Variants in NAV2 observed in about 807,000 individuals in gnomAD.
NAV2 encodes the protein neuron navigator 2.
Under a neutral mutation model 223.2 loss-of-function variants are expected in NAV2, and 54 were observed. The observed-to-expected ratio is 0.24, with a 90% confidence interval of 0.19 to 0.30. The LOEUF is 0.30. NAV2 is among the 10% of genes least tolerant of loss of function. The pLI is 1.00. For synonymous variants in NAV2, 1,279 were observed against 1,239.3 expected (o/e 1.03, Z -0.67); for missense variants, 2,806 against 3,147.5 (o/e 0.89, Z 2.60).
At chr11:19,750,735 A>G (rs2152497580) in intron 1 of NAV2, among the ~76,000 whole-genome samples, 1 of 152,368 alleles carries the variant, frequency 6.6e-6, no homozygotes, top group African/African-American at 2.4e-5. Context: ...AGGCAGAGAC[A>G]GAGTCAGAAT....
chr11:19,701,367 C>T lies in NAV2; in HGVS notation c.76-131117C>T, dbSNP rs2049507744. ...TCAGCAGGAAATCAGCTTTGTCGGCCAGCCGCCTTTGAAAACTGGATTCTG... is the reference window on the plus strand; with the variant it reads ...TCAGCAGGAAATCAGCTTTGTCGGCTAGCCGCCTTTGAAAACTGGATTCTG... On this transcript the variant is annotated intron_variant, in intron 1 of 37. Transcript: ENST00000360655. Among the ~76,000 whole-genome samples the T allele has an allele frequency of 2.6e-5, 4 of 152,288 alleles. No homozygotes were observed. In the South Asian group the frequency reaches 6.2e-4, roughly 24 times the overall value.
At chr11:20,015,381 C>T (rs1230946233) in intron 11 of NAV2, among the ~76,000 whole-genome samples, 2 of 152,094 alleles carry the variant, frequency 1.3e-5, no homozygotes, top group Non-Finnish European at 2.9e-5. Flanking sequence ...ATTTAGAAAG[C>T]TACATCTAGG....
intron 1 of NAV2, among the ~76,000 whole-genome samples, chr11:19,796,136 T>C (rs2057874750): frequency 6.6e-6 from 1 of 152,202 alleles, no homozygotes; most frequent in African/African-American, 2.4e-5. Context: ...CTAGGAACCA[T>C]TCTTGGTACC....
intron 19 of NAV2, among the ~76,000 whole-genome samples, chr11:20,058,378 A>G (rs115545703): frequency 0.017 from 2,664 of 152,348 alleles, 78 homozygotes; most frequent in African/African-American, 0.061. Context: ...AGGTACAGGC[A>G]TGGCCAGATG....
At chr11:19,694,438 G>C (rs1172190162) in intron 1 of NAV2, among the ~76,000 whole-genome samples, 1 of 152,218 alleles carries the variant, frequency 6.6e-6, no homozygotes, top group Non-Finnish European at 1.5e-5. Flanking sequence ...GGAAGCCAGG[G>C]GAGGGGAGGG....
intron 1 of NAV2, among the ~76,000 whole-genome samples, chr11:19,830,041 A>G (rs1233565954): frequency 6.6e-6 from 1 of 152,152 alleles, no homozygotes; most frequent in Non-Finnish European, 1.5e-5. Flanking sequence ...CCTGGCCAAC[A>G]TGGTGAAGCC....
At chr11:19,407,688 C>T (rs1849957970) in intron 1 of NAV2, among the ~76,000 whole-genome samples, 1 of 151,738 alleles carries the variant, frequency 6.6e-6, no homozygotes, top group East Asian at 1.9e-4. Flanking sequence ...CCCCACCCAC[C>T]CATAGCCCCC....
intron 1 of NAV2, among the ~76,000 whole-genome samples, chr11:19,822,447 G>A (rs1043105047): frequency 4.6e-5 from 7 of 152,202 alleles, no homozygotes; most frequent in Admixed American, 6.5e-5. Context: ...ACCAAGGCAC[G>A]CATGCAGCTC....
In NAV2 at chr11:20,083,140, G is replaced by T. The variant is rs781260494; in HGVS notation, c.5459G>T (p.Gly1820Val). The T allele has an allele frequency of 1.9e-6, 3 of 1,613,806 alleles. No homozygotes were observed. The Admixed American group carries it at 5.0e-5, about 27-fold the overall frequency. ...AAGTTACCGCACAATGGGTCCACAG[G>T]TTCCACCCCACTGCTGAGGAATTCT... The part of the protein sequence containing the change: ...SPKLPHNGST[G>V]STPLLRNSHS... The change falls in exon 26 of 38, where the codon GGT becomes GTT. Residue 1820 changes from glycine to valine, a missense_variant. Physicochemically the swap from Gly to Val is moderately radical, Grantham distance 109. Around this residue, in one of 4 missense-constraint regions of NAV2, gnomAD observed 824 missense variants for 1,069.4 expected, o/e 0.77. Coordinates refer to ENST00000349880, the MANE Select transcript of NAV2 (RefSeq NM_145117.5).
intron 10 of NAV2, among the ~76,000 whole-genome samples, chr11:19,982,808 A>G (rs1196325291): frequency 6.6e-6 from 1 of 152,166 alleles, no homozygotes. Context: ...TCTGCATCTC[A>G]TAATTCTGTT....
chr11:19,779,070 T>C (rs908036101), intron 1 of NAV2, among the ~76,000 whole-genome samples: 13 of 152,188 alleles, frequency 8.5e-5, no homozygotes, highest in Non-Finnish European at 1.8e-4. Context: ...CACTCCGATA[T>C]TGCTGCCCGT....
chr11:19,880,964 A>G (rs1176361151), intron 5 of NAV2, among the ~76,000 whole-genome samples: 1 of 152,226 alleles, frequency 6.6e-6, no homozygotes, highest in Non-Finnish European at 1.5e-5. Context: ...CCTAAATGTC[A>G]CTGATCAGAT....
chr11:20,028,708 G>A (rs2055359148), intron 11 of NAV2, among the ~76,000 whole-genome samples: 1 of 152,122 alleles, frequency 6.6e-6, no homozygotes, highest in Non-Finnish European at 1.5e-5. Flanking sequence ...TTCCATCCGG[G>A]GGAAAATGGG....
intron 1 of NAV2, among the ~76,000 whole-genome samples, chr11:19,653,183 C>T (rs1029062747): frequency 6.6e-6 from 1 of 152,190 alleles, no homozygotes; most frequent in Non-Finnish European, 1.5e-5. Flanking sequence ...TTCGTTCTAT[C>T]TCTGATGTGG....
At chr11:19,596,475 G>A (rs543998339) in intron 1 of NAV2, among the ~76,000 whole-genome samples, 7 of 152,266 alleles carry the variant, frequency 4.6e-5, no homozygotes, top group South Asian at 2.1e-4. Context: ...GAGTCTCTCT[G>A]TGTGAGGATT....
At chr11:19,667,107 C>G (rs1209816535) in intron 1 of NAV2, among the ~76,000 whole-genome samples, 1 of 152,170 alleles carries the variant, frequency 6.6e-6, no homozygotes, top group East Asian at 1.9e-4. Flanking sequence ...CAGGAAGCTG[C>G]TAGCTGTGTG....
At chr11:19,758,382 T>TA (rs1235813707) in intron 1 of NAV2, among the ~76,000 whole-genome samples, 5 of 151,860 alleles carry the variant, frequency 3.3e-5, no homozygotes, top group African/African-American at 1.2e-4. Context: ...GCTTGAGTGG[T>TA]AAAAAAGAGC....
chr11:19,566,162 G>A (rs988586007), intron 1 of NAV2, among the ~76,000 whole-genome samples: 5 of 151,934 alleles, frequency 3.3e-5, no homozygotes, highest in Admixed American at 3.3e-4. Flanking sequence ...TCAACCTCTG[G>A]GGCTCAAGCA....
At chr11:19,703,790 C>T (rs563485173) in intron 1 of NAV2, among the ~76,000 whole-genome samples, 26 of 152,314 alleles carry the variant, frequency 1.7e-4, no homozygotes, top group South Asian at 4.1e-4. Flanking sequence ...TTTTTCAATT[C>T]GTCTGCACCC....
Sources: allele counts gnomAD v4.1 joint callset (sites outside exome capture counted in the v4.1 genomes callset), GRCh38; gene constraint gnomAD v4.1.1; regional missense constraint gnomAD v4.1.1; transcripts MANE v1.5; gene names NCBI Gene and HGNC (gene_info 2026-07-23, HGNC 2026-07-21).